ZC3H3: variants seen among roughly 807,000 people sequenced by gnomAD.
The protein encoded by ZC3H3 is zinc finger CCCH domain-containing protein 3.
Under a neutral mutation model 77.3 loss-of-function variants are expected in ZC3H3, and 36 were observed. That is an observed-to-expected ratio of 0.47 (90% CI 0.36 to 0.61). ZC3H3 has a LOEUF of 0.61. Ranked by LOEUF, ZC3H3 falls within the 20% of genes least tolerant of loss-of-function variation. The pLI is 0.00. For missense variants in ZC3H3, 1,331 were observed against 1,312.2 expected (o/e 1.01, Z -0.22); for synonymous variants, 626 against 555.2 (o/e 1.13, Z -1.79).
At chr8:143,475,282 G>T in intron 5 of ZC3H3, 116 bp downstream of exon 5, 1 of 1,299,062 alleles carries the variant, frequency 7.7e-7, no homozygotes, top group Admixed American at 2.7e-5. Flanking sequence ...ACAGGGGCGT[G>T]AGCCAAGGCC....
At position 143,511,235 on chromosome 8, in the gene ZC3H3, C is replaced by T. The variant is rs61453884; in HGVS notation, c.1562-3336G>A. Among the ~76,000 whole-genome samples the T allele has an allele frequency of 8.8e-3, 1,343 of 152,236 alleles. 24 individuals carry two copies. The highest frequency in any genetic ancestry group is 0.031 in the African/African-American group (1,274 of 41,534). On this transcript the variant is annotated intron_variant, in intron 3 of 11. Coordinates refer to ENST00000262577, the MANE Select transcript of ZC3H3 (RefSeq NM_015117.3). Reference sequence around the variant, plus strand: ...AGGAGGGCGGCCGCTGAGGCTGGGCCCGGCCATCAGGGGTCCAGGAGTCCT... The same window carrying T: ...AGGAGGGCGGCCGCTGAGGCTGGGCTCGGCCATCAGGGGTCCAGGAGTCCT...
chr8:143,510,270 G>T (rs1259045218), intron 3 of ZC3H3, among the ~76,000 whole-genome samples: 1 of 152,184 alleles, frequency 6.6e-6, no homozygotes, highest in African/African-American at 2.4e-5. Context: ...CAGACTGGGG[G>T]CACTTCAAGG....
intron 10 of ZC3H3, among the ~76,000 whole-genome samples, 173 bp from the exon 11 acceptor site, chr8:143,440,536 G>A (rs887435774): frequency 1.3e-5 from 2 of 152,198 alleles, no homozygotes; most frequent in Admixed American, 6.5e-5. Context: ...GCTGGGTGCA[G>A]GGATGGCCCC....
Position 143,508,026 on chromosome 8 carries a change from C to T in ZC3H3, c.1562-127G>A, listed in dbSNP as rs575684033. On this transcript the variant is annotated intron_variant, in intron 3 of 11. Coordinates refer to ENST00000262577, the MANE Select transcript of ZC3H3 (RefSeq NM_015117.3). Reference sequence around the variant, plus strand: ...GGAGCTTGAAGACCCTCCATCGCCCCGTGGATAAAACCCTCAACCCATGTG... The same window carrying T: ...GGAGCTTGAAGACCCTCCATCGCCCTGTGGATAAAACCCTCAACCCATGTG... 12 of 1,152,160 alleles carry T rather than the reference C, an allele frequency of 1.0e-5. No individual in the cohort carries two copies. Among genetic ancestry groups the T allele is most frequent in the African/African-American group, 4.8e-5 (3 of 63,048 alleles). The allele number at this position is 1,152,160 out of a possible 1,614,324, so 71.4% of individuals were successfully genotyped here.
chr8:143,526,128 C>T (rs1373708421), intron 3 of ZC3H3, among the ~76,000 whole-genome samples: 2 of 152,244 alleles, frequency 1.3e-5, no homozygotes, highest in Non-Finnish European at 2.9e-5. Context: ...CCACAGAGGG[C>T]ACTGACTTCA....
At chr8:143,473,398 T>A (rs781006571) in intron 5 of ZC3H3, among the ~76,000 whole-genome samples, 2 of 152,154 alleles carry the variant, frequency 1.3e-5, no homozygotes, top group Non-Finnish European at 2.9e-5. Context: ...TTTACACCTG[T>A]GGGCCCCAGG....
intron 11 of ZC3H3, 90 bp from the exon 12 acceptor site, chr8:143,438,177 G>C: frequency 6.6e-7 from 1 of 1,512,400 alleles, no homozygotes; most frequent in African/African-American, 1.4e-5. Flanking sequence ...CAGGATCGGG[G>C]GGCTCTGTCA....
At chr8:143,474,852 A>G (rs1483983807) in intron 5 of ZC3H3, among the ~76,000 whole-genome samples, 1 of 152,230 alleles carries the variant, frequency 6.6e-6, no homozygotes, top group Admixed American at 6.5e-5. Context: ...GGGAGGGCGC[A>G]AGGTGGCGGC....
chr8:143,450,659 AG>A (rs1819965558), intron 9 of ZC3H3, among the ~76,000 whole-genome samples: 2 of 152,286 alleles, frequency 1.3e-5, no homozygotes, highest in South Asian at 4.2e-4. Flanking sequence ...GGGCTGGAGC[AG>A]GAGGTCGAGA....
chr8:143,532,284 G>A (rs1319470617), intron 3 of ZC3H3, among the ~76,000 whole-genome samples: 1 of 152,266 alleles, frequency 6.6e-6, no homozygotes, highest in Non-Finnish European at 1.5e-5. Flanking sequence ...GCCCTCTGCT[G>A]GCCACTGGGC....
intron 5 of ZC3H3, among the ~76,000 whole-genome samples, chr8:143,470,341 G>A (rs557812049): frequency 4.6e-4 from 70 of 152,372 alleles, no homozygotes; most frequent in African/African-American, 1.5e-3. Context: ...GAAAGGGGGC[G>A]TTGAAGAACG....
intron 3 of ZC3H3, among the ~76,000 whole-genome samples, chr8:143,526,755 A>G (rs1822425430): frequency 6.6e-6 from 1 of 152,096 alleles, no homozygotes; most frequent in Non-Finnish European, 1.5e-5. Context: ...GAAGGGGCCA[A>G]ATCCCAGAAG....
At position 143,503,412 on chromosome 8, in the gene ZC3H3, C is replaced by T. The variant is rs181830027; in HGVS notation, c.1715+4334G>A. 8.5e-4 allele frequency among the ~76,000 whole-genome samples: 130 copies of T among 152,288 alleles called. 1 individual carries two copies. In the East Asian group the frequency reaches 0.021, roughly 24 times the overall value. On this transcript the variant is annotated intron_variant, in intron 4 of 11. Coordinates refer to ENST00000262577, the MANE Select transcript of ZC3H3 (RefSeq NM_015117.3). ...CACAGAAGCCCCAGAAGCTACTGCC[C>T]AGCAGCCTCTGCCTTCCATCTGACA...
intron 4 of ZC3H3, among the ~76,000 whole-genome samples, chr8:143,491,007 C>T (rs367787315): frequency 1.2e-4 from 18 of 152,252 alleles, no homozygotes; most frequent in African/African-American, 3.6e-4. Flanking sequence ...ACCCAGGTAG[C>T]GCCGGGTGAC....
rs1024811862 is a variant in ZC3H3, at chr8:143,533,922, C to A, written c.1561+2335G>T. 6.6e-6 allele frequency among the ~76,000 whole-genome samples: 1 copy of A among 152,046 alleles called. No individual in the cohort carries two copies. The highest frequency in any genetic ancestry group is 1.5e-5 in the Non-Finnish European group (1 of 68,006). ...AACTCCTGACCTCAGGTGATCCACC[C>A]GCCTCGGCCTCCCAGTGTGCTGGGA... On this transcript the variant is annotated intron_variant, in intron 3 of 11. Transcript: ENST00000262577. The surrounding 1 kb of genome is among the most constrained non-coding windows in gnomAD (Gnocchi z 4.0).
At chr8:143,510,643 G>A (rs1821843268) in intron 3 of ZC3H3, among the ~76,000 whole-genome samples, 1 of 152,230 alleles carries the variant, frequency 6.6e-6, no homozygotes, top group African/African-American at 2.4e-5. Flanking sequence ...GCAAGGCTTG[G>A]GAGGCTGCAG....
In ZC3H3 at chr8:143,462,751, C is replaced by CAGG. The variant is rs991290552; in HGVS notation, c.2307+2963_2307+2965dup. Among the ~76,000 whole-genome samples, 2 of 152,220 alleles carry CAGG rather than the reference C, an allele frequency of 1.3e-5. No homozygotes were observed. The highest frequency in any genetic ancestry group is 2.4e-5 in the African/African-American group (1 of 41,462). On this transcript the variant is annotated intron_variant, in intron 9 of 11. Transcript: ENST00000262577. This position sits in a 1 kb window ranked among gnomAD's most constrained non-coding sequence, Gnocchi z 4.7. ...GCAGATGCAGGAGGGCCAAGGTGTGCAGGAGCTCTCAATGCAGAGGTGGGG... is the reference window on the plus strand; with the variant it reads ...GCAGATGCAGGAGGGCCAAGGTGTGCAGGAGGAGCTCTCAATGCAGAGGTGGGG...
At chr8:143,541,274 A>G in intron 1 of ZC3H3, 102 bp downstream of exon 1, 1 of 1,574,212 alleles carries the variant, frequency 6.4e-7, no homozygotes. Flanking sequence ...GCCACCCAGA[A>G]CACGCGGGCG....
At position 143,441,046 on chromosome 8, in the gene ZC3H3, C is replaced by A; in HGVS notation, c.2382G>T (p.Gln794His). Residue 794 changes from glutamine to histidine, a missense_variant, in exon 10 of 12, where the codon CAG (glutamine) becomes CAT (histidine). This residue lies in a region of ZC3H3 where 249 missense variants were observed against 236.9 expected (regional missense o/e 1.05). Coordinates refer to ENST00000262577, the MANE Select transcript of ZC3H3 (RefSeq NM_015117.3). Reference sequence around the variant, plus strand: ...GGCGTTTCTGGGTACGGTGGAGCAGCTGGCACTGGGCGCCGCGGGGACACG... The same window carrying A: ...GGCGTTTCTGGGTACGGTGGAGCAGATGGCACTGGGCGCCGCGGGGACACG... ...RGACPRGAQC[Q>H]LLHRTQKRHS... is the part of the protein sequence containing the mutation. 6.7e-7 allele frequency: 1 copy of A among 1,489,020 alleles called. No individual in the cohort carries two copies. Among genetic ancestry groups the A allele is most frequent in the South Asian group, 1.4e-5 (1 of 73,442 alleles). 92.2% of individuals were successfully genotyped at this position (1,489,020 alleles called of 1,614,324 possible).
Sources: gnomAD v4.1 joint callset for allele counts (sites outside exome capture counted in the v4.1 genomes callset) on GRCh38, gnomAD v4.1.1 for gene constraint, gnomAD v4.1.1 regional missense constraint, Gnocchi (gnomAD v3.1) non-coding constraint, MANE v1.5 for transcripts, NCBI Gene and HGNC (gene_info 2026-07-23, HGNC 2026-07-21) for gene names.